Variants in UVRAG observed in about 807,000 individuals in gnomAD.
UVRAG encodes the protein UV radiation resistance-associated gene protein.
Under a neutral mutation model 78.0 loss-of-function variants are expected in UVRAG, and 19 were observed. That is an observed-to-expected ratio of 0.24 (90% CI 0.17 to 0.36). The LOEUF is 0.36. Among genes scored for constraint, UVRAG ranks in the 10% least tolerant of loss-of-function variants. The pLI is 1.00. For synonymous variants in UVRAG, 323 were observed against 324.6 expected (o/e 1.00, Z 0.05); for missense variants, 740 against 853.8 (o/e 0.87, Z 1.66).
At position 75,871,378 on chromosome 11, in the gene UVRAG, C is replaced by G. The variant is rs747494368; in HGVS notation, c.271-8501C>G. Among the ~76,000 whole-genome samples, 166 of 151,686 alleles carry G rather than the reference C, an allele frequency of 1.1e-3. 1 individual carries two copies. The highest frequency in any genetic ancestry group is 1.6e-3 in the Non-Finnish European group (106 of 67,920). ...CTTGGCTCACTGCAACCTCTGCCTC[C>G]CAGGTTCAAGTGATTATCCCACCTC... On this transcript the variant is annotated intron_variant, in intron 3 of 14. Coordinates refer to ENST00000356136, the MANE Select transcript of UVRAG (RefSeq NM_003369.4).
chr11:76,106,196 C>T (rs1951965328), intron 13 of UVRAG, among the ~76,000 whole-genome samples: 1 of 152,050 alleles, frequency 6.6e-6, no homozygotes, highest in Non-Finnish European at 1.5e-5. Context: ...ATATAGTAAC[C>T]TGGATGAATC....
intron 13 of UVRAG, among the ~76,000 whole-genome samples, chr11:76,108,427 A>C (rs1368592165): frequency 2.0e-5 from 3 of 152,204 alleles, no homozygotes; most frequent in African/African-American, 7.2e-5. Context: ...TTTAAATGTG[A>C]TCTCCAGAGC....
intron 3 of UVRAG, among the ~76,000 whole-genome samples, chr11:75,873,940 G>C (rs867589904): frequency 3.3e-5 from 5 of 152,168 alleles, no homozygotes; most frequent in Non-Finnish European, 2.9e-5. Flanking sequence ...ACAGTTGGGT[G>C]AACCAGTGAA....
At chr11:76,092,616 G>T (rs928120855) in intron 13 of UVRAG, among the ~76,000 whole-genome samples, 6 of 152,172 alleles carry the variant, frequency 3.9e-5, no homozygotes, top group Non-Finnish European at 5.9e-5. Flanking sequence ...TCATGTGTCT[G>T]TTGGCTGCAT....
intron 4 of UVRAG, among the ~76,000 whole-genome samples, chr11:75,883,374 A>G (rs1435409468): frequency 6.6e-6 from 1 of 151,504 alleles, no homozygotes; most frequent in Non-Finnish European, 1.5e-5. Flanking sequence ...GAGAACAAAA[A>G]AAAAAAAAGA....
At chr11:75,944,309 A>G (rs554720221) in intron 6 of UVRAG, among the ~76,000 whole-genome samples, 2 of 152,108 alleles carry the variant, frequency 1.3e-5, no homozygotes, top group African/African-American at 4.8e-5. Flanking sequence ...CCATTTTGCA[A>G]GGGTACTTAG....
chr11:75,949,393 A>G (rs888461043), intron 6 of UVRAG, among the ~76,000 whole-genome samples: 5 of 151,910 alleles, frequency 3.3e-5, no homozygotes, highest in African/African-American at 7.3e-5. Flanking sequence ...CTTCAGGGTG[A>G]TCTCATTCAC....
intron 14 of UVRAG, among the ~76,000 whole-genome samples, chr11:76,123,661 T>A (rs1201474315): frequency 6.6e-6 from 1 of 152,236 alleles, no homozygotes; most frequent in Non-Finnish European, 1.5e-5. Context: ...CAAGGTAGTA[T>A]AACACAGAGG....
Position 76,112,077 on chromosome 11 carries a change from C to T in UVRAG, c.1306-3847C>T, listed in dbSNP as rs188552280. 3.4e-4 allele frequency among the ~76,000 whole-genome samples: 51 copies of T among 152,008 alleles called. No homozygotes were observed. In the East Asian group the frequency reaches 9.3e-3, roughly 28 times the overall value. ...TCATATTGAAAGGATGTACTAAGTG[C>T]TTGGCCCAGGGAATGAAAACAGACT... On this transcript the variant is annotated intron_variant, in intron 13 of 14. Transcript: ENST00000356136.
chr11:76,006,479 G>C (rs2135342255), intron 9 of UVRAG, among the ~76,000 whole-genome samples: 1 of 151,972 alleles, frequency 6.6e-6, no homozygotes, highest in African/African-American at 2.4e-5. Flanking sequence ...GGGCAACATG[G>C]TGAAACACTG....
At chr11:75,976,512 T>A (rs1226161965) in intron 7 of UVRAG, among the ~76,000 whole-genome samples, 1 of 152,210 alleles carries the variant, frequency 6.6e-6, no homozygotes, top group Admixed American at 6.5e-5. Context: ...TTTTTTTGGT[T>A]GGTAGGCTCT....
At chr11:75,984,107 G>T (rs774203879) in intron 8 of UVRAG, among the ~76,000 whole-genome samples, 1 of 152,198 alleles carries the variant, frequency 6.6e-6, no homozygotes, top group African/African-American at 2.4e-5. Flanking sequence ...TTATATACAT[G>T]TGGTAGAAAC....
chr11:76,080,463 T>C (rs960312443), intron 13 of UVRAG, among the ~76,000 whole-genome samples: 7 of 152,054 alleles, frequency 4.6e-5, no homozygotes, highest in Admixed American at 1.3e-4. Context: ...ACTTACCTTT[T>C]TATTTATTTT....
intron 1 of UVRAG, among the ~76,000 whole-genome samples, chr11:75,820,977 T>C (rs964523990): frequency 2.0e-5 from 3 of 152,210 alleles, no homozygotes; most frequent in Non-Finnish European, 2.9e-5. Context: ...AATTTTTAAG[T>C]ATACAATATA....
chr11:75,949,798 T>G (rs908326174), intron 6 of UVRAG, among the ~76,000 whole-genome samples: 1 of 150,194 alleles, frequency 6.7e-6, no homozygotes, highest in Non-Finnish European at 1.5e-5. Context: ...CACACACATA[T>G]ACACACAGTT....
chr11:75,992,745 G>C (rs1949636987), intron 8 of UVRAG, among the ~76,000 whole-genome samples: 3 of 152,148 alleles, frequency 2.0e-5, no homozygotes, highest in Non-Finnish European at 2.9e-5. Context: ...TTATATGCTT[G>C]TGTTGAACAT....
chr11:75,847,553 T>C (rs926099827), intron 1 of UVRAG, among the ~76,000 whole-genome samples: 4 of 152,192 alleles, frequency 2.6e-5, no homozygotes, highest in African/African-American at 9.7e-5. Flanking sequence ...ATTACAGTTA[T>C]GAGCCACTGT....
chr11:76,081,650 AAAAC>A (rs1951496088), intron 13 of UVRAG, among the ~76,000 whole-genome samples: 1 of 152,190 alleles, frequency 6.6e-6, no homozygotes, highest in Non-Finnish European at 1.5e-5. Flanking sequence ...ATTTTAAAAA[AAAAC>A]AATAATAAAC....
chr11:76,017,736 A>T (rs1591137747), intron 12 of UVRAG, among the ~76,000 whole-genome samples: 1 of 152,186 alleles, frequency 6.6e-6, no homozygotes, highest in Non-Finnish European at 1.5e-5. Flanking sequence ...ATGCAGTGAC[A>T]TTTTAAAATA....
Sources: gnomAD v4.1 joint callset for allele counts (sites outside exome capture counted in the v4.1 genomes callset) on GRCh38, gnomAD v4.1.1 for gene constraint, MANE v1.5 for transcripts, NCBI Gene and HGNC (gene_info 2026-07-23, HGNC 2026-07-21) for gene names.